SPAG9: variants seen among roughly 807,000 people sequenced by gnomAD.
SPAG9 encodes the protein sperm associated antigen 9.
A neutral mutation model predicts 166.5 loss-of-function variants in SPAG9; 35 were observed. That is an observed-to-expected ratio of 0.21 (90% CI 0.16 to 0.28). The LOEUF is 0.28. SPAG9 is among the 10% of genes least tolerant of loss of function. SPAG9 has a pLI of 1.00. For synonymous variants in SPAG9, 534 were observed against 565.5 expected (o/e 0.94, Z 0.79); for missense variants, 1,235 against 1,603.3 (o/e 0.77, Z 3.92).
chr17:51,034,578 AAT>A, intron 5 of SPAG9, among the ~76,000 whole-genome samples: 1 of 152,362 alleles, frequency 6.6e-6, no homozygotes, highest in South Asian at 2.1e-4. Context: ...TAGCCCACAG[AAT>A]AATATATGTA....
intron 2 of SPAG9, among the ~76,000 whole-genome samples, chr17:51,060,204 C>T (rs1009096922): frequency 3.3e-5 from 5 of 151,836 alleles, no homozygotes; most frequent in Non-Finnish European, 4.4e-5. Context: ...GGGATAGGGC[C>T]TTTAAGAAGA....
chr17:51,008,624 T>A (rs2045325283), intron 9 of SPAG9, among the ~76,000 whole-genome samples: 1 of 152,136 alleles, frequency 6.6e-6, no homozygotes, highest in Non-Finnish European at 1.5e-5. Flanking sequence ...GAATGCTACA[T>A]ATTCTGTGTA....
At chr17:51,059,894 A>G (rs1267803104) in intron 2 of SPAG9, among the ~76,000 whole-genome samples, 1 of 152,134 alleles carries the variant, frequency 6.6e-6, no homozygotes, top group Non-Finnish European at 1.5e-5. Flanking sequence ...TAATAATCCT[A>G]GTCTCCTGAC....
At chr17:51,104,646 T>C (rs1411612762) in intron 1 of SPAG9, among the ~76,000 whole-genome samples, 1 of 149,776 alleles carries the variant, frequency 6.7e-6, no homozygotes, top group Non-Finnish European at 1.5e-5. Flanking sequence ...CAAAAATAAA[T>C]AAATAGGCCG....
At chr17:50,995,371 T>A (rs750786166) in intron 17 of SPAG9, 73 bp downstream of exon 17, 1 of 1,358,404 alleles carries the variant, frequency 7.4e-7, no homozygotes, top group South Asian at 1.3e-5. Context: ...GTAATACTTA[T>A]ACTTTTTTGG....
chr17:51,031,350 A>C, intron 6 of SPAG9: 1 of 326,004 alleles, frequency 3.1e-6, no homozygotes, highest in Non-Finnish European at 5.8e-6. Context: ...AATACAAGTT[A>C]CATACATTAT....
intron 1 of SPAG9, among the ~76,000 whole-genome samples, chr17:51,085,958 CATTTT>C (rs1334584668): frequency 5.0e-5 from 6 of 120,408 alleles, no homozygotes; most frequent in African/African-American, 2.0e-4. Context: ...TCTTGGAAAT[CATTTT>C]TTTTTTTTTT....
chr17:51,106,024 G>T (rs1217775059), intron 1 of SPAG9, among the ~76,000 whole-genome samples: 1 of 151,256 alleles, frequency 6.6e-6, no homozygotes, highest in African/African-American at 2.4e-5. Flanking sequence ...CAGCACTTTG[G>T]GAAGCAGAGG....
At chr17:50,967,803 A>C (rs1424684596) in intron 29 of SPAG9, among the ~76,000 whole-genome samples, 2 of 152,216 alleles carry the variant, frequency 1.3e-5, no homozygotes, top group African/African-American at 2.4e-5. Context: ...ATGGACCCCC[A>C]AAAAAGATCA....
At chr17:51,036,283 T>C (rs745710477) in intron 5 of SPAG9, among the ~76,000 whole-genome samples, 2 of 152,152 alleles carry the variant, frequency 1.3e-5, no homozygotes, top group African/African-American at 2.4e-5. Flanking sequence ...ATTTCCTCTT[T>C]TTATGATTTA....
chr17:51,037,665 T>TTATATATATATATATATATATA (rs59365716), intron 5 of SPAG9, among the ~76,000 whole-genome samples: 105 of 92,856 alleles, frequency 1.1e-3, no homozygotes, highest in African/African-American at 3.6e-3. Context: ...TATATGTGTT[T>TTATATATATATATATATATATA]TATATATATA....
intron 14 of SPAG9, 76 bp from the exon 15 acceptor site, chr17:50,998,693 TGAA>T: frequency 7.1e-7 from 1 of 1,412,684 alleles, no homozygotes. Context: ...ACTTTAATGT[TGAA>T]GAAAATTTCA....
chr17:51,009,697 T>C (rs1160139143), intron 9 of SPAG9, among the ~76,000 whole-genome samples: 15 of 152,140 alleles, frequency 9.9e-5, no homozygotes, highest in Admixed American at 1.3e-4. Context: ...ACTGGCAATG[T>C]ACAGAGCTTA....
At chr17:51,001,512 C>T (rs2044948724) in intron 13 of SPAG9, among the ~76,000 whole-genome samples, 1 of 152,136 alleles carries the variant, frequency 6.6e-6, no homozygotes, top group Admixed American at 6.6e-5. Context: ...GTAGTAACAT[C>T]CTCCAAGATC....
Position 51,104,540 on chromosome 17 carries a change from A to T in SPAG9, c.303+15814T>A, listed in dbSNP as rs576641415. ...AATCCCAGCTACTCCAGAGGCTGAG[A>T]CAGGAGAATCGCTTGAACCCGGGAG... On this transcript the variant is annotated intron_variant, in intron 1 of 29. Coordinates refer to ENST00000262013, the MANE Select transcript of SPAG9 (RefSeq NM_001130528.3). Among the ~76,000 whole-genome samples the T allele has an allele frequency of 5.3e-5, 8 of 151,874 alleles. No individual in the cohort carries two copies. In the South Asian group the frequency reaches 1.7e-3, roughly 32 times the overall value.
intron 5 of SPAG9, chr17:51,031,963 T>A: frequency 1.6e-6 from 1 of 631,398 alleles, no homozygotes; most frequent in Non-Finnish European, 2.9e-6. Flanking sequence ...CTTATCAACA[T>A]GCAGCTCATT....
rs1973270720 is a variant in SPAG9, at chr17:50,964,684, G to A, written c.*1588C>T. ...CAAGAAGCTTGAGAGGGAAAAAATT[G>A]CAGCATCGTGGTTTTAAAAAACTTA... is the stretch of plus-strand genomic sequence containing the variant. On this transcript the variant is annotated 3_prime_UTR_variant, in exon 30 of 30. Transcript: ENST00000262013. 1 of 443,116 alleles carries A rather than the reference G, an allele frequency of 2.3e-6. No homozygotes were observed. The highest frequency in any genetic ancestry group is 4.5e-6 in the Non-Finnish European group (1 of 220,284). The allele number at this position is 443,116 out of a possible 1,614,324, so 27.4% of individuals were successfully genotyped here. A position where few individuals can be genotyped will look rare whatever the true frequency, so the allele number is the denominator to read the frequency against.
chr17:51,077,096 A>AGC (rs1384358554), intron 2 of SPAG9, among the ~76,000 whole-genome samples: 149 of 123,296 alleles, frequency 1.2e-3, no homozygotes, highest in African/African-American at 4.4e-3. Context: ...CTAGCTATCT[A>AGC]TCTAGCTAGC....
chr17:51,120,291 C>A lies in SPAG9; in HGVS notation c.303+63G>T, dbSNP rs2049439917. The A allele has an allele frequency of 1.9e-6, 2 of 1,073,992 alleles. No homozygotes were observed. Among genetic ancestry groups the A allele is most frequent in the Admixed American group, 9.9e-5 (2 of 20,176 alleles). 66.5% of individuals were successfully genotyped at this position (1,073,992 alleles called of 1,614,324 possible). A position where few individuals can be genotyped will look rare whatever the true frequency, so the allele number is the denominator to read the frequency against. On this transcript the variant is annotated intron_variant, in intron 1 of 29. Transcript: ENST00000262013. The surrounding 1 kb of genome is among the most constrained non-coding windows in gnomAD (Gnocchi z 4.7). ...GCGCCTCTAGTCCCCGACCGGGCCG[C>A]GACCCCGCCCCGGCCGCCCCCGGAG...
Sources: allele counts gnomAD v4.1 joint callset (sites outside exome capture counted in the v4.1 genomes callset), GRCh38; gene constraint gnomAD v4.1.1; non-coding constraint Gnocchi (gnomAD v3.1); transcripts MANE v1.5; gene names NCBI Gene and HGNC (gene_info 2026-07-23, HGNC 2026-07-21).